The following C2CD2 variants were observed in gnomAD, a reference collection of about 807,000 sequenced individuals.
The protein encoded by C2CD2 is C2 calcium dependent domain containing 2, also known as C2 domain-containing protein 2.
Under a neutral mutation model 74.3 loss-of-function variants are expected in C2CD2, and 43 were observed. That is an observed-to-expected ratio of 0.58 (90% confidence interval 0.45 to 0.75). C2CD2 has a LOEUF of 0.75. Among genes scored for constraint, C2CD2 ranks in the 30% least tolerant of loss-of-function variants. The pLI is 0.00. For missense variants in C2CD2, 801 were observed against 916.3 expected, an observed-to-expected ratio of 0.87 and a Z score of 1.63; for synonymous variants, 422 against 390.7, an observed-to-expected ratio of 1.08 and a Z score of -0.94.
intron 1 of C2CD2, among the ~76,000 whole-genome samples, chr21:41,943,186 C>A (rs1006341086): frequency 1.3e-5 from 2 of 152,100 alleles, no homozygotes; most frequent in African/African-American, 4.8e-5. Flanking sequence ...GTAATCCCAG[C>A]TACTCAGGAA....
chr21:41,887,673 A>G lies in C2CD2; in HGVS notation c.*1451T>C, dbSNP rs145650896. 8.1e-4 allele frequency: 124 copies of G among 152,328 alleles called. No individual in the cohort carries two copies. Among genetic ancestry groups the G allele is most frequent in the African/African-American group, 3.0e-3 (123 of 41,566 alleles). The allele number at this position is 152,328 out of a possible 1,614,324, so 9.4% of individuals were successfully genotyped here. On this transcript the variant is annotated 3_prime_UTR_variant, in exon 14 of 14. Transcript: ENST00000380486. ...AAAATCCTATAATTTTGGTTTTTAT[A>G]TAGGTTTTTACTCACCAGTGGCTCT...
intron 6 of C2CD2, 122 bp downstream of exon 6, chr21:41,914,475 AG>A (rs1191264344): frequency 1.4e-6 from 1 of 702,770 alleles, no homozygotes; most frequent in Non-Finnish European, 2.3e-6. Context: ...CAACCGTGGC[AG>A]GGCTCCCGCT....
rs749482271 is a variant in C2CD2, at chr21:41,899,153, G to A, written c.1770C>T (p.Ala590=). ...DSWDLEKEPQ[A]AAWSSQVLLD... is the part of the protein sequence containing the mutation. ...GCAGGACCTGGCTGCTCCATGCCGC[G>A]GCCTGTGGCTCCTTCTCCAAGTCCC... The change falls in exon 13 of 14, where the codon GCC becomes GCT. Residue 590 remains alanine (A), a synonymous_variant. Coordinates refer to ENST00000380486, the MANE Select transcript of C2CD2 (RefSeq NM_015500.2). The surrounding 1 kb of genome is among the most constrained non-coding windows in gnomAD (Gnocchi z 4.4). 1.4e-5 allele frequency: 23 copies of A among 1,613,450 alleles called. No individual in the cohort carries two copies. Among genetic ancestry groups the A allele is most frequent in the Admixed American group, 6.7e-5 (4 of 59,978 alleles).
intron 1 of C2CD2, among the ~76,000 whole-genome samples, chr21:41,946,641 T>C (rs2065399986): frequency 6.6e-6 from 1 of 152,204 alleles, no homozygotes; most frequent in South Asian, 2.1e-4. Flanking sequence ...CCAGTCTTTC[T>C]GGCATTTCTT....
intron 5 of C2CD2, 50 bp downstream of exon 5, chr21:41,918,055 A>G (rs1438917058): frequency 1.9e-6 from 3 of 1,607,250 alleles, no homozygotes; most frequent in African/African-American, 2.7e-5. Context: ...GAGGTGGGCC[A>G]TGGTGCCTAA....
chr21:41,894,909 A>G, intron 13 of C2CD2: 1 of 456,778 alleles, frequency 2.2e-6, no homozygotes, highest in Non-Finnish European at 4.4e-6. Context: ...TCTGCTGGGC[A>G]GTAACCCCAT....
chr21:41,889,127 C>A lies in C2CD2; in HGVS notation c.2088G>T (p.Thr696=), dbSNP rs776023654. The A allele has an allele frequency of 1.2e-6, 2 of 1,611,234 alleles. No homozygotes were observed. Among genetic ancestry groups the A allele is most frequent in the South Asian group, 2.2e-5 (2 of 90,976 alleles). Residue 696 remains threonine (T), a synonymous_variant, in exon 14 of 14, where the codon ACG becomes ACT. Transcript: ENST00000380486. ...TTGGAGGTGATGACCTCAGGCCCTA[C>A]GTGCAGGGCTCCACGGGGGCACCGT... is the stretch of plus-strand genomic sequence containing the variant. ...TMNGAPVEPC[T]
intron 13 of C2CD2, among the ~76,000 whole-genome samples, chr21:41,896,322 A>T (rs894950338): frequency 5.3e-5 from 8 of 152,246 alleles, no homozygotes; most frequent in African/African-American, 1.7e-4. Flanking sequence ...ATCAGAGTGG[A>T]CGTGGGTAAG....
rs371956254 is a variant in C2CD2 at position 41,931,043 on chromosome 21, T to C, written c.379-8958A>G. On this transcript the variant is annotated intron_variant, in intron 2 of 13. Transcript: ENST00000380486. ...TCCCAAGACATGAGGAAAGACAACA[T>C]AGGTAGAAACTTGTTACTCTTGTGT... Among the ~76,000 whole-genome samples, 6 of 150,340 alleles carry C rather than the reference T, an allele frequency of 4.0e-5. 1 individual carries two copies. The highest frequency in any genetic ancestry group is 7.5e-5 in the Non-Finnish European group (5 of 67,088).
In C2CD2 at chr21:41,939,758, A is replaced by C. The variant is rs942771686; in HGVS notation, c.378+2389T>G. Among the ~76,000 whole-genome samples, 2 of 152,232 alleles carry C rather than the reference A, an allele frequency of 1.3e-5. No homozygotes were observed. Among genetic ancestry groups the C allele is most frequent in the African/African-American group, 4.8e-5 (2 of 41,462 alleles). On this transcript the variant is annotated intron_variant, in intron 2 of 13. Transcript: ENST00000380486. This position sits in a 1 kb window ranked among gnomAD's most constrained non-coding sequence, Gnocchi z 5.5. ...GGCTCCAGGACTGACGAGGGTATGCAGGAAGGAGAGCTCTCCTATGCTGCT... is the reference window on the plus strand; with the variant it reads ...GGCTCCAGGACTGACGAGGGTATGCCGGAAGGAGAGCTCTCCTATGCTGCT...
Position 41,914,610 on chromosome 21 carries a change from G to C in C2CD2, c.832C>G (p.Pro278Ala). ...CATCGTCACCCACCTGAGGCACCGG[G>C]CTCGCTGAGCAGCAAGACGTGGATG... ...RNIHVLLLSE[P>A]GASGHINAVC... The change falls in exon 6 of 14, where the codon CCC becomes GCC. Residue 278 changes from proline (P) to alanine (A), a missense_variant. Physicochemically the swap from Pro to Ala is conservative, Grantham distance 27. Coordinates refer to ENST00000380486, the MANE Select transcript of C2CD2 (RefSeq NM_015500.2). 2 of 1,613,490 alleles carry C rather than the reference G, an allele frequency of 1.2e-6. No homozygotes were observed. Among genetic ancestry groups the C allele is most frequent in the Non-Finnish European group, 1.7e-6 (2 of 1,179,652 alleles).
chr21:41,918,892 T>C lies in C2CD2; in HGVS notation c.561A>G (p.Glu187=). The C allele has an allele frequency of 6.2e-7, 1 of 1,614,210 alleles. No homozygotes were observed. The highest frequency in any genetic ancestry group is 8.5e-7 in the Non-Finnish European group (1 of 1,179,996). The change falls in exon 4 of 14, where the codon GAA becomes GAG. Residue 187 remains glutamate (E), a synonymous_variant. Transcript: ENST00000380486. ...QISWSFISVP[E]MAVNIQPKAL... ...CTTTGGGCTGGATATTAACGGCCAT[T>C]TCCGGCACACTGATGAAAGACCAGC...
intron 2 of C2CD2, among the ~76,000 whole-genome samples, chr21:41,940,549 G>A (rs1048409008): frequency 2.0e-5 from 3 of 152,176 alleles, no homozygotes; most frequent in Admixed American, 6.5e-5. Flanking sequence ...AATGCAGACG[G>A]AGCCATAAAG....
chr21:41,947,914 T>G (rs1330530455), intron 1 of C2CD2, among the ~76,000 whole-genome samples: 3 of 152,166 alleles, frequency 2.0e-5, no homozygotes, highest in African/African-American at 7.2e-5. Flanking sequence ...CCTTCCCTCC[T>G]CAGCAACCTA....
intron 1 of C2CD2, among the ~76,000 whole-genome samples, chr21:41,944,460 T>G (rs437936): frequency 0.25 from 36,046 of 144,130 alleles, 5,357 homozygotes; most frequent in African/African-American, 0.44. Flanking sequence ...AGGCAGACCT[T>G]GCAGTGAGCC....
chr21:41,914,609 G>C lies in C2CD2; in HGVS notation c.833C>G (p.Pro278Arg). 6.2e-7 allele frequency: 1 copy of C among 1,613,636 alleles called. No homozygotes were observed. The highest frequency in any genetic ancestry group is 8.5e-7 in the Non-Finnish European group (1 of 1,179,744). Residue 278 changes from proline to arginine, a missense_variant, in exon 6 of 14, where the codon CCC becomes CGC. Physicochemically the swap from Pro to Arg is moderately radical, Grantham distance 103. Transcript: ENST00000380486. ...RNIHVLLLSE[P>R]GASGHINAVC... ...CCATCGTCACCCACCTGAGGCACCG[G>C]GCTCGCTGAGCAGCAAGACGTGGAT...
chr21:41,907,577 A>G lies in C2CD2; in HGVS notation c.1143+83T>C, dbSNP rs2064977559. On this transcript the variant is annotated intron_variant, in intron 9 of 13. Coordinates refer to ENST00000380486, the MANE Select transcript of C2CD2 (RefSeq NM_015500.2). ...CTTATTTCACACAGAGGCAGGAGTG[A>G]GACTCTGCAGACATAAGTGAAGACG... 33 of 1,432,918 alleles carry G rather than the reference A, an allele frequency of 2.3e-5. No individual in the cohort carries two copies. In the South Asian group the frequency reaches 3.7e-4, roughly 16 times the overall value. The allele number at this position is 1,432,918 out of a possible 1,614,324, so 88.8% of individuals were successfully genotyped here. A position where few individuals can be genotyped will look rare whatever the true frequency, so the allele number is the denominator to read the frequency against.
intron 1 of C2CD2, among the ~76,000 whole-genome samples, chr21:41,944,806 A>G (rs2065385543): frequency 6.6e-6 from 1 of 152,168 alleles, no homozygotes; most frequent in Non-Finnish European, 1.5e-5. Context: ...AAAAAGAAAC[A>G]CACAAGAATT....
intron 7 of C2CD2, among the ~76,000 whole-genome samples, chr21:41,911,012 G>A (rs2065020006): frequency 7.4e-6 from 1 of 134,904 alleles, no homozygotes; most frequent in African/African-American, 2.8e-5. Context: ...GAATAAAATA[G>A]GCATCCTTCT....
Sources: allele counts gnomAD v4.1 joint callset (sites outside exome capture counted in the v4.1 genomes callset), GRCh38; gene constraint gnomAD v4.1.1; non-coding constraint Gnocchi (gnomAD v3.1); transcripts MANE v1.5; gene names NCBI Gene and HGNC (gene_info 2026-07-23, HGNC 2026-07-21).